Variants in ABCD3 observed in about 807,000 individuals in gnomAD.
ABCD3 encodes the protein ATP binding cassette subfamily D member 3.
A neutral mutation model predicts 105.5 loss-of-function variants in ABCD3; 41 were observed. The observed-to-expected ratio is 0.39, with a 90% CI of 0.30 to 0.50. The LOEUF is 0.50. Among genes scored for constraint, ABCD3 ranks in the 20% least tolerant of loss-of-function variants. ABCD3 has a pLI of 0.84. For synonymous variants in ABCD3, 258 were observed against 269.0 expected (o/e 0.96, Z 0.40); for missense variants, 622 against 806.3 (o/e 0.77, Z 2.77).
chr1:94,486,002 A>C (rs1047976596), intron 10 of ABCD3, among the ~76,000 whole-genome samples: 10 of 151,776 alleles, frequency 6.6e-5, no homozygotes, highest in Admixed American at 2.6e-4. Flanking sequence ...GACCAGCCTG[A>C]CCAACATGGC....
chr1:94,456,155 C>CT (rs927412057), intron 1 of ABCD3, among the ~76,000 whole-genome samples: 3 of 151,168 alleles, frequency 2.0e-5, no homozygotes, highest in African/African-American at 7.3e-5. Flanking sequence ...TTTTAGATTC[C>CT]ACATGTAAGT....
At chr1:94,453,251 A>G (rs1483476242) in intron 1 of ABCD3, among the ~76,000 whole-genome samples, 1 of 152,040 alleles carries the variant, frequency 6.6e-6, no homozygotes, top group Non-Finnish European at 1.5e-5. Context: ...GGCAGCTCTC[A>G]GACAACTTTA....
chr1:94,427,874 C>T (rs1659527197), intron 1 of ABCD3, among the ~76,000 whole-genome samples: 1 of 152,156 alleles, frequency 6.6e-6, no homozygotes, highest in African/African-American at 2.4e-5. Flanking sequence ...TGCTTAAAAA[C>T]ATGGCTTTCA....
At chr1:94,422,585 C>T (rs962154698) in intron 1 of ABCD3, among the ~76,000 whole-genome samples, 15 of 152,274 alleles carry the variant, frequency 9.9e-5, no homozygotes, top group African/African-American at 3.6e-4. Context: ...ACATCAGATC[C>T]TGAGTTTCTT....
chr1:94,398,811 G>A, the ABCD3 span, among the ~76,000 whole-genome samples: 1 of 152,060 alleles, frequency 6.6e-6, no homozygotes, highest in Non-Finnish European at 1.5e-5. Flanking sequence ...CTACTCTGGA[G>A]GCTGAGGCAG....
intron 8 of ABCD3, 41 bp downstream of exon 8, chr1:94,478,356 TA>T (rs1290343228): frequency 6.8e-7 from 1 of 1,465,628 alleles, no homozygotes; most frequent in Non-Finnish European, 9.5e-7. Context: ...TGATATAATA[TA>T]ATATTTGAAA....
rs538347563 is a variant in ABCD3, at chr1:94,481,077, A to G, written c.827+471A>G. On this transcript the variant is annotated intron_variant, in intron 9 of 22. Transcript: ENST00000370214. Reference sequence around the variant, plus strand: ...CTTTGGAGCCAGCCATACTAGCTTCAAAATCTACCTCTTCCACTTATCAGT... The same window carrying G: ...CTTTGGAGCCAGCCATACTAGCTTCGAAATCTACCTCTTCCACTTATCAGT... 3.3e-5 allele frequency among the ~76,000 whole-genome samples: 5 copies of G among 152,360 alleles called. No homozygotes were observed. In the South Asian group the frequency reaches 1.0e-3, roughly 32 times the overall value.
intron 1 of ABCD3, among the ~76,000 whole-genome samples, chr1:94,436,246 T>A (rs758022787): frequency 2.9e-4 from 44 of 152,248 alleles, no homozygotes; most frequent in Non-Finnish European, 5.9e-4. Flanking sequence ...CAAGATTTTT[T>A]AAATTATCAT....
Position 94,517,243 on chromosome 1 carries a change from A to G in ABCD3, c.*114A>G. Reference sequence around the variant, plus strand: ...TAGTTTTTTTTAAAAAAAAAAACAAAGCAACAAATTAACTAGATACAGAAT... The same window carrying G: ...TAGTTTTTTTTAAAAAAAAAAACAAGGCAACAAATTAACTAGATACAGAAT... On this transcript the variant is annotated 3_prime_UTR_variant, in exon 23 of 23. Coordinates refer to ENST00000370214, the MANE Select transcript of ABCD3 (RefSeq NM_002858.4). 1 of 806,598 alleles carries G rather than the reference A, an allele frequency of 1.2e-6. No homozygotes were observed. Among genetic ancestry groups the G allele is most frequent in the South Asian group, 1.5e-5 (1 of 68,102 alleles). 50.0% of individuals were successfully genotyped at this position (806,598 alleles called of 1,614,324 possible).
the ABCD3 span, among the ~76,000 whole-genome samples, chr1:94,385,960 C>T: frequency 1.4e-4 from 21 of 152,236 alleles, no homozygotes; most frequent in African/African-American, 4.1e-4. Context: ...ACTTCCTTCT[C>T]GATACCTGAT....
chr1:94,430,376 G>C (rs954819928), intron 1 of ABCD3, among the ~76,000 whole-genome samples: 1 of 152,200 alleles, frequency 6.6e-6, no homozygotes, highest in Admixed American at 6.5e-5. Context: ...AGATTTGGGA[G>C]GGACTGGGGC....
chr1:94,411,659 C>T, the ABCD3 span, among the ~76,000 whole-genome samples: 1 of 152,166 alleles, frequency 6.6e-6, no homozygotes, highest in African/African-American at 2.4e-5. Context: ...AGCAATTCTA[C>T]TCCTAGTTAT....
chr1:94,449,994 C>G lies in ABCD3; in HGVS notation c.111-8613C>G, dbSNP rs144752066. 9.5e-4 allele frequency among the ~76,000 whole-genome samples: 144 copies of G among 152,300 alleles called. 1 individual carries two copies. The highest frequency in any genetic ancestry group is 3.4e-3 in the African/African-American group (140 of 41,554). ...AGAATAAAAAGCATCTAGAAGGACA[C>G]TCTACAAACTTGTCTTTGGATACTG... On this transcript the variant is annotated intron_variant, in intron 1 of 22. Coordinates refer to ENST00000370214, the MANE Select transcript of ABCD3 (RefSeq NM_002858.4).
intron 1 of ABCD3, among the ~76,000 whole-genome samples, chr1:94,453,467 CGCCACCTCGCCTG>C (rs1266603321): frequency 1.3e-5 from 2 of 151,580 alleles, no homozygotes; most frequent in Non-Finnish European, 2.9e-5. Context: ...TACAGGTGCC[CGCCACCTCGCCTG>C]GCTAATTTTT....
chr1:94,499,142 TCC>T, intron 19 of ABCD3, 108 bp downstream of exon 19: 8 of 1,029,832 alleles, frequency 7.8e-6, no homozygotes, highest in Non-Finnish European at 1.2e-5. Flanking sequence ...TGTAAAGCCT[TCC>T]AAAGCTGTAA....
chr1:94,407,939 C>T, the ABCD3 span, among the ~76,000 whole-genome samples: 20 of 152,306 alleles, frequency 1.3e-4, no homozygotes, highest in East Asian at 3.7e-3. Flanking sequence ...ACAGCAATGC[C>T]GATTCATTTA....
At chr1:94,404,898 C>T in the ABCD3 span, among the ~76,000 whole-genome samples, 1 of 148,616 alleles carries the variant, frequency 6.7e-6, no homozygotes, top group East Asian at 2.0e-4. Context: ...GATATTGCGC[C>T]GCTGCACTGC....
chr1:94,398,654 C>T, the ABCD3 span, among the ~76,000 whole-genome samples: 1 of 152,218 alleles, frequency 6.6e-6, no homozygotes, highest in Non-Finnish European at 1.5e-5. Flanking sequence ...TGGCTCACGC[C>T]TGTAATCCCA....
chr1:94,485,782 C>T (rs1225469043), intron 10 of ABCD3, among the ~76,000 whole-genome samples: 1 of 152,150 alleles, frequency 6.6e-6, no homozygotes, highest in Non-Finnish European at 1.5e-5. Context: ...GAAATTGTGT[C>T]TGTACTTATG....
Sources: allele counts gnomAD v4.1 joint callset (sites outside exome capture counted in the v4.1 genomes callset), GRCh38; gene constraint gnomAD v4.1.1; transcripts MANE v1.5; gene names NCBI Gene and HGNC (gene_info 2026-07-23, HGNC 2026-07-21).